ZMIZ1: variants seen among roughly 807,000 people sequenced by gnomAD.
ZMIZ1 encodes zinc finger MIZ domain-containing protein 1.
A neutral mutation model predicts 113.9 loss-of-function variants in ZMIZ1; 17 were observed. The observed-to-expected ratio is 0.15, with a 90% confidence interval of 0.10 to 0.22. ZMIZ1 has a LOEUF of 0.22. Among genes scored for constraint, ZMIZ1 ranks in the 10% least tolerant of loss-of-function variants. ZMIZ1 has a pLI of 1.00. For synonymous variants in ZMIZ1, 607 were observed against 603.1 expected, an observed-to-expected ratio of 1.01 and a Z score of -0.09; for missense variants, 1,059 against 1,477.8, an observed-to-expected ratio of 0.72 and a Z score of 4.65.
chr10:79,170,033 C>T (rs1846535168), intron 4 of ZMIZ1, among the ~76,000 whole-genome samples: 1 of 152,198 alleles, frequency 6.6e-6, no homozygotes. Context: ...CACAGTGCTT[C>T]CCAGGCATGC....
intron 4 of ZMIZ1, among the ~76,000 whole-genome samples, chr10:79,199,389 C>T (rs1357632832): frequency 6.6e-6 from 1 of 151,942 alleles, no homozygotes; most frequent in Non-Finnish European, 1.5e-5. Context: ...ACCTGTGGCC[C>T]CAGCTACTTG....
chr10:79,240,711 G>A (rs1046975693), intron 7 of ZMIZ1, among the ~76,000 whole-genome samples: 4 of 138,180 alleles, frequency 2.9e-5, no homozygotes, highest in Admixed American at 1.6e-4. Flanking sequence ...AGCCGGAGGA[G>A]CGTATATTAA....
chr10:79,288,727 T>A (rs1589571156), intron 8 of ZMIZ1, among the ~76,000 whole-genome samples: 1 of 151,960 alleles, frequency 6.6e-6, no homozygotes, highest in South Asian at 2.1e-4. Context: ...CCCTGGCAGG[T>A]CTTCATGCCC....
At chr10:79,133,289 C>T (rs1329603981) in intron 2 of ZMIZ1, among the ~76,000 whole-genome samples, 1 of 152,218 alleles carries the variant, frequency 6.6e-6, no homozygotes, top group Non-Finnish European at 1.5e-5. Flanking sequence ...ACTGCTTCCT[C>T]TGGGTTCCTG....
rs1376801551 is a variant in ZMIZ1 at position 79,310,909 on chromosome 10, TCTC to T, written c.2836-7_2836-5del. 3.7e-6 allele frequency: 6 copies of T among 1,609,284 alleles called. No individual in the cohort carries two copies. Among genetic ancestry groups the T allele is most frequent in the East Asian group, 2.2e-5 (1 of 44,752 alleles). On this transcript the variant is annotated splice_polypyrimidine_tract_variant and intron_variant, in intron 23 of 24. Transcript: ENST00000334512. The stretch of plus-strand genomic sequence containing the variant: ...ACCTCACCTCTCTTCTCTCCCGCTC[TCTC>T]CTCCTCCACAGATGCCACACGCTGG...
chr10:79,106,802 C>T (rs576602308), intron 1 of ZMIZ1, among the ~76,000 whole-genome samples: 9 of 152,330 alleles, frequency 5.9e-5, no homozygotes, highest in African/African-American at 1.4e-4. Flanking sequence ...AGAGGTGGTT[C>T]GGCCTGGCTT....
chr10:79,231,491 G>A (rs756915266), intron 7 of ZMIZ1, among the ~76,000 whole-genome samples: 2 of 152,130 alleles, frequency 1.3e-5, no homozygotes, highest in Non-Finnish European at 2.9e-5. Context: ...TGATCTGCCC[G>A]CCTCGGCCTC....
chr10:79,303,876 CCT>C, intron 18 of ZMIZ1, 137 bp from the exon 19 acceptor site: 2 of 1,244,162 alleles, frequency 1.6e-6, no homozygotes, highest in South Asian at 2.8e-5. Flanking sequence ...CACACACTGC[CCT>C]CTCAGCGTTT....
chr10:79,086,616 C>A (rs935255557), intron 1 of ZMIZ1, among the ~76,000 whole-genome samples: 4 of 152,154 alleles, frequency 2.6e-5, no homozygotes, highest in South Asian at 4.1e-4. Flanking sequence ...TGGACTCAAG[C>A]GATCCTCCCA....
intron 1 of ZMIZ1, among the ~76,000 whole-genome samples, chr10:79,099,404 G>A (rs1174290405): frequency 6.6e-6 from 1 of 152,172 alleles, no homozygotes. Flanking sequence ...ACAACACCAG[G>A]ATGTACTCCT....
intron 3 of ZMIZ1, among the ~76,000 whole-genome samples, chr10:79,159,704 T>G (rs755837680): frequency 5.3e-5 from 8 of 152,192 alleles, no homozygotes; most frequent in Non-Finnish European, 8.8e-5. Context: ...CAGAGTGCCC[T>G]CCTACTCCTT....
chr10:79,181,047 T>C (rs697240), intron 4 of ZMIZ1, among the ~76,000 whole-genome samples: 104,098 of 152,150 alleles, frequency 0.68, 36,062 homozygotes, highest in East Asian at 0.86. Flanking sequence ...GTCAGGACAG[T>C]GTGGCCGTGT....
At chr10:79,083,232 A>T (rs746893668) in intron 1 of ZMIZ1, among the ~76,000 whole-genome samples, 10 of 152,198 alleles carry the variant, frequency 6.6e-5, no homozygotes, top group Non-Finnish European at 1.2e-4. Flanking sequence ...GTGGTCAGGG[A>T]AGGCTTCTCT....
intron 1 of ZMIZ1, among the ~76,000 whole-genome samples, chr10:79,074,386 C>T (rs769007197): frequency 1.4e-4 from 21 of 152,330 alleles, no homozygotes; most frequent in South Asian, 4.1e-4. Flanking sequence ...AGATGGGCCT[C>T]ACCTGTCTTC....
intron 4 of ZMIZ1, among the ~76,000 whole-genome samples, chr10:79,190,271 G>A (rs1028511711): frequency 6.6e-6 from 1 of 152,238 alleles, no homozygotes; most frequent in Admixed American, 6.5e-5. Context: ...CCTGGCCTGG[G>A]CAGGCATCAG....
At chr10:79,292,087 G>A in intron 10 of ZMIZ1, 71 bp from the exon 11 acceptor site, 1 of 1,441,222 alleles carries the variant, frequency 6.9e-7, no homozygotes. Context: ...CTCCCTTCCA[G>A]CCCACAGCTT....
At chr10:79,220,857 TCTGCATGG>T (rs1446409301) in intron 7 of ZMIZ1, among the ~76,000 whole-genome samples, 1 of 149,140 alleles carries the variant, frequency 6.7e-6, no homozygotes, top group African/African-American at 2.5e-5. Context: ...TCTGTGTATG[TCTGCATGG>T]CTGTGCACAT....
At chr10:79,155,246 C>T (rs894434002) in intron 3 of ZMIZ1, among the ~76,000 whole-genome samples, 4 of 152,162 alleles carry the variant, frequency 2.6e-5, no homozygotes, top group East Asian at 1.9e-4. Flanking sequence ...CAGGTTTGAG[C>T]GGGCCACCTG....
At chr10:79,080,825 TC>T (rs1303975995) in intron 1 of ZMIZ1, among the ~76,000 whole-genome samples, 1 of 151,982 alleles carries the variant, frequency 6.6e-6, no homozygotes. Context: ...GCCTCAGAAG[TC>T]TTGGCGCCTT....
Sources: gnomAD v4.1 joint callset for allele counts (sites outside exome capture counted in the v4.1 genomes callset) on GRCh38, gnomAD v4.1.1 for gene constraint, MANE v1.5 for transcripts, NCBI Gene and HGNC (gene_info 2026-07-23, HGNC 2026-07-21) for gene names.